Variants in DDX42 observed in about 807,000 individuals in gnomAD.
DDX42 encodes the protein DEAD-box helicase 42.
Under a neutral mutation model 101.5 loss-of-function variants are expected in DDX42, and 22 were observed. The ratio of observed to expected loss-of-function variants is 0.22; its 90% confidence interval spans 0.15 to 0.31. The LOEUF (loss-of-function observed/expected upper bound fraction) is 0.31. DDX42 is among the 10% of genes least tolerant of loss of function. The pLI is 1.00. For missense variants in DDX42, 849 were observed against 1,199.9 expected (o/e 0.71, Z 4.32); for synonymous variants, 402 against 401.2 (o/e 1.00, Z -0.02).
At chr17:63,809,122 A>G (rs553771222) in intron 10 of DDX42, among the ~76,000 whole-genome samples, 174 bp downstream of exon 10, 2 of 152,350 alleles carry the variant, frequency 1.3e-5, no homozygotes, top group African/African-American at 4.8e-5. Flanking sequence ...GTTCAGTGAG[A>G]GTCTCTGTGA....
chr17:63,802,910 C>CAAA (rs60325980), intron 6 of DDX42, among the ~76,000 whole-genome samples: 2 of 142,600 alleles, frequency 1.4e-5, no homozygotes, highest in African/African-American at 2.6e-5. Context: ...CACTCCATCT[C>CAAA]AAAAAAAAAA....
At chr17:63,799,099 A>G (rs1397027108) in intron 4 of DDX42, among the ~76,000 whole-genome samples, 1 of 152,210 alleles carries the variant, frequency 6.6e-6, no homozygotes, top group Non-Finnish European at 1.5e-5. Flanking sequence ...GAGTTAATGT[A>G]GTTTTCACTC....
Position 63,798,241 on chromosome 17 carries a change from C to A in DDX42, c.434+142C>A, listed in dbSNP as rs561447556. 1,148 of 675,302 alleles carry A rather than the reference C, an allele frequency of 1.7e-3. 3 individuals carry two copies. Among genetic ancestry groups the A allele is most frequent in the Non-Finnish European group, 2.5e-3 (991 of 400,168 alleles). 41.8% of individuals were successfully genotyped at this position (675,302 alleles called of 1,614,324 possible). On this transcript the variant is annotated intron_variant, in intron 4 of 17. Transcript: ENST00000389924. ...TGAAGTTATTCCTGTATCTTGAATA[C>A]TTTAAGAATAGAGATGGCAACAGTC...
intron 1 of DDX42, among the ~76,000 whole-genome samples, chr17:63,780,983 A>G (rs2039481118): frequency 6.6e-6 from 1 of 152,002 alleles, no homozygotes; most frequent in Non-Finnish European, 1.5e-5. Context: ...TTTCCCCTTT[A>G]GCATATAAAC....
chr17:63,775,082 C>T (rs902038248), intron 1 of DDX42: 1 of 152,644 alleles, frequency 6.6e-6, no homozygotes, highest in African/African-American at 2.4e-5. Context: ...GTTTCTATGT[C>T]TGTCCTCTCT....
chr17:63,788,549 G>A (rs371095567), intron 2 of DDX42, among the ~76,000 whole-genome samples: 3 of 151,644 alleles, frequency 2.0e-5, no homozygotes, highest in Non-Finnish European at 2.9e-5. Flanking sequence ...CTCATGATCC[G>A]CCCGCCTCAG....
In DDX42 at chr17:63,782,050, C is replaced by T. The variant is rs529296217; in HGVS notation, c.-16-4984C>T. 2.2e-4 allele frequency among the ~76,000 whole-genome samples: 33 copies of T among 151,526 alleles called. No homozygotes were observed. The South Asian group carries it at 4.8e-3, about 22-fold the overall frequency. Reference sequence around the variant, plus strand: ...AAAAAGAATTGTCTTACCAGCTGGGCGCAGTGGATCACGAGGTCAGGAGTT... The same window carrying T: ...AAAAAGAATTGTCTTACCAGCTGGGTGCAGTGGATCACGAGGTCAGGAGTT... On this transcript the variant is annotated intron_variant, in intron 1 of 17. Coordinates refer to ENST00000389924, the MANE Select transcript of DDX42 (RefSeq NM_203499.3).
rs1431544881 is a variant in DDX42, at chr17:63,812,235, T to C, written c.1675+27T>C. 8 of 1,601,368 alleles carry C rather than the reference T, an allele frequency of 5.0e-6. No homozygotes were observed. In the Admixed American group the frequency reaches 6.8e-5, roughly 14 times the overall value. On this transcript the variant is annotated intron_variant, in intron 14 of 17. Transcript: ENST00000389924. ...TAGAGTATGAATTTTTCAACAACAT[T>C]AAGTTCCTAGGCTATAAGGGTACTC...
intron 13 of DDX42, chr17:63,811,457 T>A: frequency 2.7e-6 from 1 of 376,036 alleles, no homozygotes; most frequent in Non-Finnish European, 4.8e-6. Flanking sequence ...TTAAAAAGGC[T>A]TCAAAGAGAC....
chr17:63,794,076 T>A (rs1274222746), intron 3 of DDX42, among the ~76,000 whole-genome samples: 5 of 152,106 alleles, frequency 3.3e-5, no homozygotes, highest in Admixed American at 6.5e-5. Context: ...ATCTTTATAA[T>A]AGCCCTTGCA....
In DDX42 at chr17:63,815,564, A is replaced by G; in HGVS notation, c.1904A>G (p.Asn635Ser). The G allele has an allele frequency of 6.2e-7, 1 of 1,612,414 alleles. No homozygotes were observed. Among genetic ancestry groups the G allele is most frequent in the Non-Finnish European group, 8.5e-7 (1 of 1,178,686 alleles). The change falls in exon 16 of 18, where the codon AAT (asparagine) becomes AGT (serine). Residue 635 changes from asparagine (N) to serine (S), a missense_variant and splice_region_variant. Asn to Ser is a conservative substitution (Grantham distance 46). Around this residue, in one of 5 missense-constraint regions of DDX42, gnomAD observed 86 missense variants for 160.8 expected, o/e 0.53. Coordinates refer to ENST00000389924, the MANE Select transcript of DDX42 (RefSeq NM_203499.3). ...SKELLDLAMQ[N>S]AWFRKSRFKG... ...AACCTTGAATTTTGTTCAATGCAGA[A>G]TGCCTGGTTTCGGAAATCTCGATTC... is the stretch of plus-strand genomic sequence containing the variant.
chr17:63,779,506 C>A (rs1284332932), intron 1 of DDX42, among the ~76,000 whole-genome samples: 1 of 152,154 alleles, frequency 6.6e-6, no homozygotes, highest in East Asian at 1.9e-4. Context: ...TCGAGCCATC[C>A]TCCTGCCTTG....
intron 9 of DDX42, among the ~76,000 whole-genome samples, chr17:63,808,339 A>G (rs1471786130): frequency 6.6e-6 from 1 of 152,052 alleles, no homozygotes; most frequent in Admixed American, 6.5e-5. Flanking sequence ...ACACCTGGCT[A>G]ATTTTTTTAT....
chr17:63,794,946 A>G (rs1226616580), intron 3 of DDX42, among the ~76,000 whole-genome samples: 4 of 151,606 alleles, frequency 2.6e-5, no homozygotes, highest in Non-Finnish European at 5.9e-5. Flanking sequence ...AAAAAAAAAA[A>G]AAAAAAGAAA....
intron 3 of DDX42, among the ~76,000 whole-genome samples, chr17:63,793,101 A>G (rs992550248): frequency 2.0e-5 from 3 of 151,224 alleles, no homozygotes; most frequent in Middle Eastern, 3.4e-3. Flanking sequence ...TTTTCTTGCT[A>G]TTTTTATTGT....
At chr17:63,792,653 C>G (rs2144548523) in intron 3 of DDX42, 91 bp downstream of exon 3, 1 of 1,382,420 alleles carries the variant, frequency 7.2e-7, no homozygotes, top group African/African-American at 1.5e-5. Context: ...AATTTGTTTT[C>G]TAGTCTTATT....
chr17:63,815,508 T>G, intron 15 of DDX42, 55 bp from the exon 16 acceptor site: 1 of 1,361,278 alleles, frequency 7.3e-7, no homozygotes, highest in Non-Finnish European at 1.0e-6. Flanking sequence ...CCTCGTTCTC[T>G]TCTTCTGTTC....
intron 17 of DDX42, 59 bp from the exon 18 acceptor site, chr17:63,817,635 A>G (rs2039992379): frequency 2.0e-6 from 3 of 1,530,206 alleles, no homozygotes; most frequent in Non-Finnish European, 2.7e-6. Context: ...GCCAAGTTGT[A>G]TATTCAAGTT....
rs1276912585 is a variant in DDX42 at position 63,813,256 on chromosome 17, G to T, written c.1704G>T (p.Lys568Asn). 6.2e-7 allele frequency: 1 copy of T among 1,611,642 alleles called. No homozygotes were observed. Among genetic ancestry groups the T allele is most frequent in the Non-Finnish European group, 8.5e-7 (1 of 1,178,176 alleles). ...GTGGTCTGGACATTCCTTCAATTAAGACTGTCATTAACTATGATGTGGCAC... is the reference window on the plus strand; with the variant it reads ...GTGGTCTGGACATTCCTTCAATTAATACTGTCATTAACTATGATGTGGCAC... The part of the protein sequence containing the change: ...AARGLDIPSI[K>N]TVINYDVARD... The change falls in exon 15 of 18, where the codon AAG (lysine) becomes AAT (asparagine). Residue 568 changes from lysine (K) to asparagine (N), a missense_variant. Lys to Asn is a moderately conservative substitution (Grantham distance 94, BLOSUM62 0). Around this residue, in one of 5 missense-constraint regions of DDX42, gnomAD observed 370 missense variants for 608.8 expected, o/e 0.61. Coordinates refer to ENST00000389924, the MANE Select transcript of DDX42 (RefSeq NM_203499.3).
Sources: gnomAD v4.1 joint callset for allele counts (sites outside exome capture counted in the v4.1 genomes callset) on GRCh38, gnomAD v4.1.1 for gene constraint, gnomAD v4.1.1 regional missense constraint, MANE v1.5 for transcripts, NCBI Gene and HGNC (gene_info 2026-07-23, HGNC 2026-07-21) for gene names.